The following PCDH15 variants were observed in gnomAD, a reference collection of about 807,000 sequenced individuals.
PCDH15 encodes protocadherin related 15, also known as protocadherin-15.
PCDH15 carries 129 observed loss-of-function variants against 178.5 expected under a neutral mutation model. The observed-to-expected ratio is 0.72, with a 90% CI of 0.63 to 0.84. PCDH15 has a LOEUF of 0.84. PCDH15 is among the 40% of genes least tolerant of loss of function. The pLI is 0.00. For missense variants in PCDH15, 2,230 were observed against 2,099.9 expected, an observed-to-expected ratio of 1.06 and a Z score of -1.21; for synonymous variants, 800 against 732.0, an observed-to-expected ratio of 1.09 and a Z score of -1.50.
At chr10:54,447,112 A>G (rs1208835626) in intron 3 of PCDH15, among the ~76,000 whole-genome samples, 1 of 151,564 alleles carries the variant, frequency 6.6e-6, no homozygotes, top group Non-Finnish European at 1.5e-5. Flanking sequence ...GGCCAAGTGG[A>G]ATAAACTTTT....
intron 2 of PCDH15, among the ~76,000 whole-genome samples, chr10:55,403,179 T>A (rs1005822787): frequency 1.3e-5 from 2 of 151,950 alleles, no homozygotes; most frequent in Non-Finnish European, 2.9e-5. Flanking sequence ...CTTTGCCTAG[T>A]TTTTTATGGG....
intron 8 of PCDH15, among the ~76,000 whole-genome samples, chr10:54,260,389 C>T (rs2057226164): frequency 1.2e-5 from 1 of 83,686 alleles, no homozygotes; most frequent in South Asian, 3.4e-4. Context: ...ATTAACTATG[C>T]TAGTTTAAAA....
At chr10:53,917,918 C>T (rs1396002417) in intron 25 of PCDH15, among the ~76,000 whole-genome samples, 1 of 152,084 alleles carries the variant, frequency 6.6e-6, no homozygotes, top group East Asian at 1.9e-4. Context: ...CTCCCCCTCC[C>T]TCTTGCTCCT....
chr10:54,866,741 C>T (rs938156912), intron 3 of PCDH15, among the ~76,000 whole-genome samples: 4 of 151,804 alleles, frequency 2.6e-5, no homozygotes, highest in African/African-American at 9.7e-5. Context: ...TATGTTACAT[C>T]CCTTTAACCT....
At chr10:54,313,155 C>T (rs1476166272) in intron 8 of PCDH15, among the ~76,000 whole-genome samples, 1 of 151,930 alleles carries the variant, frequency 6.6e-6, no homozygotes, top group Non-Finnish European at 1.5e-5. Flanking sequence ...CAGTTAAAGA[C>T]CTCCTTTTTT....
At chr10:55,318,697 T>A (rs1843797060) in intron 1 of PCDH15, among the ~76,000 whole-genome samples, 1 of 152,002 alleles carries the variant, frequency 6.6e-6, no homozygotes, top group African/African-American at 2.4e-5. Context: ...TGAGAGAAAA[T>A]ATTTGAAAGT....
intron 1 of PCDH15, among the ~76,000 whole-genome samples, chr10:54,677,558 A>C (rs2094814076): frequency 6.6e-6 from 1 of 152,062 alleles, no homozygotes; most frequent in African/African-American, 2.4e-5. Flanking sequence ...TAAATGCATA[A>C]GAATCTAAGT....
In PCDH15 at chr10:53,823,094, C is replaced by T. The variant is rs2076412292; in HGVS notation, c.4368-2864G>A. On this transcript the variant is annotated intron_variant, in intron 32 of 37. Transcript: ENST00000644397. ...AAAATGGGTCTACAAAATCTGTTCT[C>T]TGTGAAATGTCTGAATTTGTTGATA... 5 of 1,613,770 alleles carry T rather than the reference C, an allele frequency of 3.1e-6. No individual in the cohort carries two copies. Among genetic ancestry groups the T allele is most frequent in the Non-Finnish European group, 4.2e-6 (5 of 1,179,868 alleles).
At chr10:54,171,697 G>A (rs1162187520) in intron 13 of PCDH15, among the ~76,000 whole-genome samples, 1 of 151,816 alleles carries the variant, frequency 6.6e-6, no homozygotes, top group Admixed American at 6.6e-5. Context: ...ATCTCCTTAG[G>A]CACTCTCTAA....
chr10:54,986,023 T>G (rs935376812), intron 2 of PCDH15, among the ~76,000 whole-genome samples: 1 of 152,238 alleles, frequency 6.6e-6, no homozygotes, highest in Non-Finnish European at 1.5e-5. Context: ...AAATCCTCTG[T>G]GGAATTTCTT....
intron 2 of PCDH15, among the ~76,000 whole-genome samples, chr10:55,131,256 T>C (rs540069107): frequency 1.9e-4 from 29 of 152,152 alleles, no homozygotes; most frequent in Non-Finnish European, 3.8e-4. Flanking sequence ...ATAGTCTCCA[T>C]AGTTGCAGGC....
chr10:53,977,510 T>C (rs2090284668), intron 21 of PCDH15, among the ~76,000 whole-genome samples: 1 of 152,184 alleles, frequency 6.6e-6, no homozygotes, highest in African/African-American at 2.4e-5. Context: ...TGCCAAGATG[T>C]ATAACACATG....
rs141281651 is a variant in PCDH15 at position 54,153,231 on chromosome 10, C to T, written c.1653G>A (p.Gly551=). 1.0e-4 allele frequency: 166 copies of T among 1,613,810 alleles called. No homozygotes were observed. The African/African-American group carries it at 2.1e-3, about 20-fold the overall frequency. The stretch of plus-strand genomic sequence containing the variant: ...TATTGATGATGAAGTCTCCCTGAGC[C>T]CCAACAAGGATTTCATATGTGATCT... ...NGEITYEILV[G]AQGDFIINKT... The change falls in exon 14 of 38, where the codon GGG becomes GGA. Residue 551 remains glycine (G), a synonymous_variant. Coordinates refer to ENST00000644397, the MANE Select transcript of PCDH15 (RefSeq NM_001384140.1).
intron 2 of PCDH15, among the ~76,000 whole-genome samples, chr10:54,998,129 C>T (rs548335172): frequency 1.3e-5 from 2 of 152,100 alleles, no homozygotes; most frequent in South Asian, 2.1e-4. Flanking sequence ...ATAATTTTGT[C>T]TAATTCACAA....
intron 20 of PCDH15, among the ~76,000 whole-genome samples, chr10:54,019,187 A>G (rs918012235): frequency 4.6e-5 from 7 of 152,114 alleles, no homozygotes; most frequent in African/African-American, 1.7e-4. Context: ...TTAAGTTTCT[A>G]TTTTCTTCCC....
In PCDH15 at chr10:53,807,136, A is replaced by AAAATAAACAAAAATATGTGAGTCACTATC. The variant is rs1554814997; in HGVS notation, c.4672-35_4672-7dup. ...ATCATTCTTTTTCTTGCCCACTGAT[A>AAAATAAACAAAAATATGTGAGTCACTATC]AAATAAACAAAAATATGTGAGTCAC... On this transcript the variant is annotated splice_polypyrimidine_tract_variant and splice_region_variant and intron_variant, in intron 37 of 37. Transcript: ENST00000644397. 5.1e-6 allele frequency: 8 copies of AAAATAAACAAAAATATGTGAGTCACTATC among 1,566,930 alleles called. No homozygotes were observed. In the East Asian group the frequency reaches 1.6e-4, roughly 31 times the overall value.
intron 9 of PCDH15, among the ~76,000 whole-genome samples, chr10:54,216,103 C>T (rs1274018542): frequency 4.0e-5 from 6 of 148,192 alleles, no homozygotes; most frequent in African/African-American, 1.2e-4. Context: ...GTTCATATCC[C>T]GAATATATAT....
rs549551817 is a variant in PCDH15, at chr10:54,957,381, T to C, written c.-79-59881A>G. ...ATTTGAGATTTGGAGAGCAAAATGC[T>C]TGAACTTTTTCTTAAGTTCAATATG... is the stretch of plus-strand genomic sequence containing the variant. On this transcript the variant is annotated intron_variant, in intron 2 of 5. Transcript: ENST00000458638. 7.2e-5 allele frequency among the ~76,000 whole-genome samples: 11 copies of C among 151,820 alleles called. No homozygotes were observed. In the East Asian group the frequency reaches 1.9e-3, roughly 27 times the overall value.
At chr10:53,888,300 A>ATATGTATATATACG (rs1554845153) in intron 26 of PCDH15, among the ~76,000 whole-genome samples, 6 of 82,018 alleles carry the variant, frequency 7.3e-5, no homozygotes, top group African/African-American at 3.0e-4. Flanking sequence ...ACATATATAT[A>ATATGTATATATACG]TATATATATG....
Sources: gnomAD v4.1 joint callset for allele counts (sites outside exome capture counted in the v4.1 genomes callset) on GRCh38, gnomAD v4.1.1 for gene constraint, MANE v1.5 for transcripts, NCBI Gene and HGNC (gene_info 2026-07-23, HGNC 2026-07-21) for gene names.